The following CTNND2 variants were observed in gnomAD, a reference collection of about 807,000 sequenced individuals.
CTNND2 encodes the protein catenin delta 2, also known as catenin delta-2.
Under a neutral mutation model 144.4 loss-of-function variants are expected in CTNND2, and 22 were observed. That is an observed-to-expected ratio of 0.15 (90% CI 0.11 to 0.22). The LOEUF (loss-of-function observed/expected upper bound fraction) is 0.22, where lower values mean the gene tolerates loss of function less well. Ranked by LOEUF, CTNND2 falls within the 10% of genes least tolerant of loss-of-function variation. The pLI is 1.00. For missense variants in CTNND2, 1,353 were observed against 1,618.8 expected (o/e 0.84, Z 2.82); for synonymous variants, 751 against 695.6 (o/e 1.08, Z -1.25).
At chr5:11,639,790 C>T (rs915182546) in intron 2 of CTNND2, among the ~76,000 whole-genome samples, 2 of 152,158 alleles carry the variant, frequency 1.3e-5, no homozygotes, top group African/African-American at 4.8e-5. Flanking sequence ...CTTTTCTCAG[C>T]ATGGAAACTA....
At chr5:11,657,270 A>C (rs1170709869) in intron 2 of CTNND2, among the ~76,000 whole-genome samples, 2 of 152,162 alleles carry the variant, frequency 1.3e-5, no homozygotes, top group Non-Finnish European at 1.5e-5. Context: ...TTTTTAAAGA[A>C]TGTGCAACAA....
chr5:10,991,538 A>G (rs1315194045), intron 19 of CTNND2, among the ~76,000 whole-genome samples: 1 of 152,234 alleles, frequency 6.6e-6, no homozygotes, highest in Non-Finnish European at 1.5e-5. Context: ...TGCCATTTAT[A>G]TTACTAAATG....
chr5:11,672,371 G>A (rs1783917446), intron 2 of CTNND2, among the ~76,000 whole-genome samples: 1 of 152,218 alleles, frequency 6.6e-6, no homozygotes, highest in African/African-American at 2.4e-5. Context: ...GTCTGCTAAA[G>A]CTGTGCCTGT....
At chr5:11,266,311 G>A (rs867157755) in intron 9 of CTNND2, among the ~76,000 whole-genome samples, 114 of 152,182 alleles carry the variant, frequency 7.5e-4, no homozygotes, top group African/African-American at 2.3e-3. Flanking sequence ...ATGGATTCTC[G>A]CCTCATTTCC....
chr5:11,003,552 T>C (rs1021720524), intron 18 of CTNND2, among the ~76,000 whole-genome samples: 10 of 152,184 alleles, frequency 6.6e-5, no homozygotes, highest in Non-Finnish European at 1.3e-4. Context: ...AGAAAAGGTA[T>C]TAAATACAAT....
At chr5:11,004,310 C>A (rs1016639089) in intron 18 of CTNND2, among the ~76,000 whole-genome samples, 6 of 152,144 alleles carry the variant, frequency 3.9e-5, no homozygotes, top group African/African-American at 1.2e-4. Context: ...ACTGAACAGT[C>A]CAGTCTTCAG....
At chr5:11,417,906 A>G (rs1267832673) in intron 3 of CTNND2, among the ~76,000 whole-genome samples, 1 of 152,202 alleles carries the variant, frequency 6.6e-6, no homozygotes, top group East Asian at 1.9e-4. Context: ...GTGTTCCAGT[A>G]ATAGAAAAAT....
At chr5:11,641,633 TGTGTGTATATACATATAC>T (rs1303447634) in intron 2 of CTNND2, among the ~76,000 whole-genome samples, 2,137 of 147,094 alleles carry the variant, frequency 0.015, 103 homozygotes, top group African/African-American at 0.045. Flanking sequence ...TACATATACG[TGTGTGTATATACATATAC>T]GTGTGTATAT....
At chr5:11,729,208 T>C (rs1025248760) in intron 2 of CTNND2, among the ~76,000 whole-genome samples, 13 of 151,168 alleles carry the variant, frequency 8.6e-5, no homozygotes, top group African/African-American at 2.9e-4. Flanking sequence ...AAAAAAGTCA[T>C]CTTTGCTGCC....
intron 1 of CTNND2, among the ~76,000 whole-genome samples, chr5:11,770,193 G>A (rs1182347222): frequency 6.6e-6 from 1 of 152,110 alleles, no homozygotes; most frequent in African/African-American, 2.4e-5. Context: ...CACAGACATA[G>A]GGAGAGACAG....
chr5:11,470,980 A>ATATATATTTT (rs1219093645), intron 3 of CTNND2, among the ~76,000 whole-genome samples: 62 of 91,530 alleles, frequency 6.8e-4, no homozygotes, highest in Middle Eastern at 6.8e-3. Flanking sequence ...ATATATATAT[A>ATATATATTTT]TTTTTTTTTT....
Position 11,893,114 on chromosome 5 carries a change from A to G in CTNND2, c.37+10703T>C, listed in dbSNP as rs115596711. Among the ~76,000 whole-genome samples the G allele has an allele frequency of 2.2e-3, 341 of 152,352 alleles. 1 individual carries two copies. Among genetic ancestry groups the G allele is most frequent in the African/African-American group, 8.0e-3 (332 of 41,578 alleles). ...TGCATGATTTATCAGGCCACAAGGAAGCCATATAAACTCATATTATTACTC... is the reference window on the plus strand; with the variant it reads ...TGCATGATTTATCAGGCCACAAGGAGGCCATATAAACTCATATTATTACTC... On this transcript the variant is annotated intron_variant, in intron 1 of 21. Transcript: ENST00000304623.
At chr5:11,726,937 A>G (rs1012356546) in intron 2 of CTNND2, among the ~76,000 whole-genome samples, 12 of 152,190 alleles carry the variant, frequency 7.9e-5, no homozygotes, top group Admixed American at 3.3e-4. Flanking sequence ...TTTCAGGGGG[A>G]AAAGTCAAAA....
chr5:11,289,933 C>T (rs1324468321), intron 9 of CTNND2, among the ~76,000 whole-genome samples: 2 of 152,200 alleles, frequency 1.3e-5, no homozygotes, highest in African/African-American at 4.8e-5. Context: ...GGAGTAGTTA[C>T]TGTCACCAGA....
At chr5:11,766,697 A>T (rs1420013476) in intron 1 of CTNND2, among the ~76,000 whole-genome samples, 1 of 152,088 alleles carries the variant, frequency 6.6e-6, no homozygotes, top group African/African-American at 2.4e-5. Flanking sequence ...CTCAATTTAG[A>T]CCAGGGTGGT....
intron 16 of CTNND2, among the ~76,000 whole-genome samples, chr5:11,076,108 C>T (rs773587575): frequency 6.6e-5 from 10 of 152,150 alleles, no homozygotes; most frequent in Non-Finnish European, 1.0e-4. Context: ...GGAAGACATA[C>T]GCATACACAA....
intron 3 of CTNND2, among the ~76,000 whole-genome samples, chr5:11,432,121 C>CTTTTT (rs5865940): frequency 1.8e-4 from 14 of 78,320 alleles, no homozygotes; most frequent in Middle Eastern, 9.6e-3. Context: ...GAGGTTGAGG[C>CTTTTT]TTTTTTTTTT....
intron 1 of CTNND2, among the ~76,000 whole-genome samples, chr5:11,734,424 C>G: frequency 6.6e-6 from 1 of 152,242 alleles, no homozygotes. Flanking sequence ...GTTCTCATGA[C>G]AGTGAATAAG....
chr5:11,203,954 G>C (rs1283553727), intron 10 of CTNND2, among the ~76,000 whole-genome samples: 1 of 152,162 alleles, frequency 6.6e-6, no homozygotes, highest in Non-Finnish European at 1.5e-5. Flanking sequence ...TTTCATACTT[G>C]ACCTGAATAG....
Sources: gnomAD v4.1 joint callset for allele counts (sites outside exome capture counted in the v4.1 genomes callset) on GRCh38, gnomAD v4.1.1 for gene constraint, MANE v1.5 for transcripts, NCBI Gene and HGNC (gene_info 2026-07-23, HGNC 2026-07-21) for gene names.